The following SEPTIN3 variants were observed in gnomAD, a reference collection of about 807,000 sequenced individuals.
SEPTIN3 encodes the protein septin 3, also known as neuronal-specific septin-3.
A neutral mutation model predicts 45.1 loss-of-function variants in SEPTIN3; 15 were observed. That is an observed-to-expected ratio of 0.33 (90% CI 0.22 to 0.51). SEPTIN3 has a LOEUF of 0.51. Among genes scored for constraint, SEPTIN3 ranks in the 20% least tolerant of loss-of-function variants. SEPTIN3 has a pLI of 0.97. For missense variants in SEPTIN3, 289 were observed against 457.2 expected, an observed-to-expected ratio of 0.63 and a Z score of 3.35; for synonymous variants, 148 against 164.8, an observed-to-expected ratio of 0.90 and a Z score of 0.78.
At position 41,981,727 on chromosome 22, in the gene SEPTIN3, C is replaced by T. The variant is rs753424752; in HGVS notation, c.1587C>T (p.Pro529=). The change falls in exon 3 of 12, where the codon CCC becomes CCT. Residue 529 remains proline (P), a synonymous_variant. Transcript: ENST00000644076. Reference sequence around the variant, plus strand: ...CTAAGCCAGCGGTGCCCATGAAGCCCATGAGCATCAACTCCAACCTGCTGG... The same window carrying T: ...CTAAGCCAGCGGTGCCCATGAAGCCTATGAGCATCAACTCCAACCTGCTGG... The part of the protein sequence containing the change: ...PRPKPAVPMK[P]MSINSNLLGY... 1 of 1,614,104 alleles carries T rather than the reference C, an allele frequency of 6.2e-7. No homozygotes were observed. Among genetic ancestry groups the T allele is most frequent in the East Asian group, 2.2e-5 (1 of 44,882 alleles).
chr22:41,977,119 G>A lies in SEPTIN3; in HGVS notation c.1504+4123G>A, dbSNP rs769403795. On this transcript the variant is annotated intron_variant, in intron 2 of 11. Coordinates refer to ENST00000644076, the MANE Select transcript of SEPTIN3 (RefSeq NM_001363845.2). ...CACCGGCACCCGCCAGGAGGAGGCT[G>A]CGGCCCCGGCCAGCGCGGCTGGAGG... 4.4e-6 allele frequency: 7 copies of A among 1,575,282 alleles called. No individual in the cohort carries two copies. The South Asian group carries it at 8.0e-5, about 18-fold the overall frequency.
chr22:41,993,041 GT>G (rs2078345126), intron 9 of SEPTIN3, among the ~76,000 whole-genome samples: 1 of 152,170 alleles, frequency 6.6e-6, no homozygotes, highest in Non-Finnish European at 1.5e-5. Flanking sequence ...CTGGAGAAAG[GT>G]TTTCATAGGA....
intron 1 of SEPTIN3, 44 bp from the exon 2 acceptor site, chr22:41,971,430 C>G: frequency 5.0e-6 from 2 of 398,748 alleles, no homozygotes; most frequent in Non-Finnish European, 8.8e-6. Context: ...CAGGCCTGAG[C>G]TCCTCACCCC....
Position 41,994,719 on chromosome 22 carries a change from G to A in SEPTIN3, c.2505+5G>A. On this transcript the variant is annotated splice_donor_5th_base_variant and intron_variant, in intron 11 of 11. Transcript: ENST00000644076. This position sits in a 1 kb window ranked among gnomAD's most constrained non-coding sequence, Gnocchi z 4.2. The stretch of plus-strand genomic sequence containing the variant: ...GACAATGGAGGCCTCCCTCCGGTGA[G>A]CGTGGACACAGAGGAAAGCCACGAC... 3 of 1,614,170 alleles carry A rather than the reference G, an allele frequency of 1.9e-6. No homozygotes were observed. Among genetic ancestry groups the A allele is most frequent in the Non-Finnish European group, 2.5e-6 (3 of 1,180,038 alleles).
chr22:41,991,668 G>A lies in SEPTIN3; in HGVS notation c.2259G>A (p.Arg753=). 1 of 1,606,888 alleles carries A rather than the reference G, an allele frequency of 6.2e-7. No individual in the cohort carries two copies. Among genetic ancestry groups the A allele is most frequent in the South Asian group, 1.1e-5 (1 of 90,932 alleles). ...LEDKTENDKI[R]QESMPFAVVG... ...ATAAGACGGAGAATGACAAAATCAG[G>A]GTGGGTGCCTGGGGCACTGCTCCTC... Residue 753 remains arginine (R), a splice_region_variant and synonymous_variant, in exon 8 of 12, where the codon AGG becomes AGA. Coordinates refer to ENST00000644076, the MANE Select transcript of SEPTIN3 (RefSeq NM_001363845.2).
At chr22:41,975,605 C>T (rs193082093) in intron 2 of SEPTIN3, among the ~76,000 whole-genome samples, 18 of 152,334 alleles carry the variant, frequency 1.2e-4, no homozygotes, top group Admixed American at 7.8e-4. Flanking sequence ...CTTGAACTGA[C>T]TCCTGCCTCC....
rs1187136735 is a variant in SEPTIN3, at chr22:41,997,160, T to C, written c.*193T>C. ...ATCCAAACCACTCCTCTCCTCCCAG[T>C]GGAGTGGGGTTCTGCCAGTACAGCC... On this transcript the variant is annotated 3_prime_UTR_variant, in exon 12 of 12. Transcript: ENST00000644076. 9.5e-7 allele frequency: 1 copy of C among 1,055,194 alleles called. No homozygotes were observed. Among genetic ancestry groups the C allele is most frequent in the Non-Finnish European group, 1.3e-6 (1 of 748,772 alleles). 65.4% of individuals were successfully genotyped at this position (1,055,194 alleles called of 1,614,324 possible). A position where few individuals can be genotyped will look rare whatever the true frequency, so the allele number is the denominator to read the frequency against.
At chr22:41,987,378 G>C in intron 5 of SEPTIN3, 91 bp downstream of exon 5, 2 of 1,268,226 alleles carry the variant, frequency 1.6e-6, no homozygotes, top group Non-Finnish European at 2.2e-6. Flanking sequence ...AGAACCATCT[G>C]CACCCTCCAT....
chr22:41,992,367 G>T (rs934492464), intron 8 of SEPTIN3, among the ~76,000 whole-genome samples: 1 of 152,168 alleles, frequency 6.6e-6, no homozygotes, highest in African/African-American at 2.4e-5. Context: ...CAACAAGAGC[G>T]AACTCTGTCT....
rs1569435041 is a variant in SEPTIN3 at position 41,971,481 on chromosome 22, C to T, written c.-12C>T. The T allele has an allele frequency of 5.0e-6, 2 of 399,118 alleles. No individual in the cohort carries two copies. The highest frequency in any genetic ancestry group is 8.8e-6 in the Non-Finnish European group (2 of 226,244). The allele number at this position is 399,118 out of a possible 1,614,324, so 24.7% of individuals were successfully genotyped here. On this transcript the variant is annotated 5_prime_UTR_variant, in exon 2 of 12. Coordinates refer to ENST00000644076, the MANE Select transcript of SEPTIN3 (RefSeq NM_001363845.2). ...CTCTGTTGATTGCCTCAGGGAAAGACAAACGACCTGGATGGACCACAACTT... is the reference window on the plus strand; with the variant it reads ...CTCTGTTGATTGCCTCAGGGAAAGATAAACGACCTGGATGGACCACAACTT...
In SEPTIN3 at chr22:41,981,757, C is replaced by T; in HGVS notation, c.1617C>T (p.Tyr539=). The change falls in exon 3 of 12, where the codon TAC becomes TAT. Residue 539 remains tyrosine, a synonymous_variant. Coordinates refer to ENST00000644076, the MANE Select transcript of SEPTIN3 (RefSeq NM_001363845.2). ...PMSINSNLLG[Y]IGIDTIIEQM... is the part of the protein sequence containing the mutation. Reference sequence around the variant, plus strand: ...GCATCAACTCCAACCTGCTGGGCTACATCGGCATCGACACCATCATCGAGC... The same window carrying T: ...GCATCAACTCCAACCTGCTGGGCTATATCGGCATCGACACCATCATCGAGC... The T allele has an allele frequency of 6.2e-7, 1 of 1,614,118 alleles. No homozygotes were observed. The highest frequency in any genetic ancestry group is 8.5e-7 in the Non-Finnish European group (1 of 1,180,014).
intron 3 of SEPTIN3, among the ~76,000 whole-genome samples, chr22:41,985,222 A>C (rs2078186374): frequency 6.6e-6 from 1 of 152,206 alleles, no homozygotes; most frequent in Non-Finnish European, 1.5e-5. Flanking sequence ...TCTTCTGCAG[A>C]TATGCATCTG....
At chr22:41,988,640 G>A (rs886888964) in intron 6 of SEPTIN3, among the ~76,000 whole-genome samples, 5 of 152,190 alleles carry the variant, frequency 3.3e-5, no homozygotes, top group Non-Finnish European at 7.3e-5. Flanking sequence ...TGGTCAGAAT[G>A]AACCATCAGA....
rs927588282 is a variant in SEPTIN3 at position 41,972,486 on chromosome 22, C to G, written c.994C>G (p.Pro332Ala). ...VNLATAGTIK[P>A]GTAMNLTTVG... ...CTTGGCTACAGCAGGCACAATCAAG[C>G]CGGGCACAGCCATGAATCTGACTAC... The change falls in exon 2 of 12, where the codon CCG (proline) becomes GCG (alanine). Residue 332 changes from proline to alanine, a missense_variant. Around this residue, in one of 3 missense-constraint regions of SEPTIN3, gnomAD observed 200 missense variants for 315.1 expected, o/e 0.63. Coordinates refer to ENST00000644076, the MANE Select transcript of SEPTIN3 (RefSeq NM_001363845.2). The G allele has an allele frequency of 2.5e-6, 1 of 398,974 alleles. No individual in the cohort carries two copies. Among genetic ancestry groups the G allele is most frequent in the Non-Finnish European group, 4.4e-6 (1 of 226,124 alleles). The allele number at this position is 398,974 out of a possible 1,614,324, so 24.7% of individuals were successfully genotyped here. A position where few individuals can be genotyped will look rare whatever the true frequency, so the allele number is the denominator to read the frequency against.
At position 41,972,275 on chromosome 22, in the gene SEPTIN3, A is replaced by C; in HGVS notation, c.783A>C (p.Thr261=). Reference sequence around the variant, plus strand: ...CTGTGAATTTGACTGCTATGGACACAAGGACAGACGCAGCCAGACATTTAG... The same window carrying C: ...CTGTGAATTTGACTGCTATGGACACCAGGACAGACGCAGCCAGACATTTAG... The part of the protein sequence containing the change: ...NTTVNLTAMD[T]RTDAARHLAT... Residue 261 remains threonine, a synonymous_variant, in exon 2 of 12, where the codon ACA becomes ACC. Coordinates refer to ENST00000644076, the MANE Select transcript of SEPTIN3 (RefSeq NM_001363845.2). 2 of 399,134 alleles carry C rather than the reference A, an allele frequency of 5.0e-6. No homozygotes were observed. Among genetic ancestry groups the C allele is most frequent in the Admixed American group, 4.4e-5 (1 of 22,732 alleles). 24.7% of individuals were successfully genotyped at this position (399,134 alleles called of 1,614,324 possible). A position where few individuals can be genotyped will look rare whatever the true frequency, so the allele number is the denominator to read the frequency against.
intron 3 of SEPTIN3, among the ~76,000 whole-genome samples, chr22:41,983,150 T>G (rs1213583326): frequency 1.3e-5 from 2 of 152,204 alleles, no homozygotes; most frequent in African/African-American, 4.8e-5. Flanking sequence ...CTCTGTGCTG[T>G]CAAAGTGCTG....
chr22:41,979,290 C>A (rs1266608931), intron 2 of SEPTIN3, among the ~76,000 whole-genome samples: 1 of 152,102 alleles, frequency 6.6e-6, no homozygotes, highest in Admixed American at 6.5e-5. Context: ...GCGGAGCAGG[C>A]CATGGTGAGA....
intron 8 of SEPTIN3, among the ~76,000 whole-genome samples, chr22:41,992,048 T>G (rs188595576): frequency 6.6e-6 from 1 of 152,122 alleles, no homozygotes; most frequent in African/African-American, 2.4e-5. Flanking sequence ...GGGGTTAGAC[T>G]GAGTGGCTTA....
intron 5 of SEPTIN3, 128 bp from the exon 6 acceptor site, chr22:41,987,494 C>A: frequency 8.0e-7 from 1 of 1,246,976 alleles, no homozygotes; most frequent in Non-Finnish European, 1.1e-6. Flanking sequence ...GGGAATCTGG[C>A]AGCAGGTATC....
Sources: allele counts gnomAD v4.1 joint callset (sites outside exome capture counted in the v4.1 genomes callset), GRCh38; gene constraint gnomAD v4.1.1; regional missense constraint gnomAD v4.1.1; non-coding constraint Gnocchi (gnomAD v3.1); transcripts MANE v1.5; gene names NCBI Gene and HGNC (gene_info 2026-07-23, HGNC 2026-07-21).